Variants in LARGE1 observed in about 807,000 individuals in gnomAD.
The protein encoded by LARGE1 is LARGE xylosyl- and glucuronyltransferase 1.
In LARGE1, 43 loss-of-function variants were observed where a neutral mutation model predicts 87.6. The observed-to-expected ratio is 0.49, with a 90% CI of 0.38 to 0.63. The LOEUF (loss-of-function observed/expected upper bound fraction) is 0.63. Among genes scored for constraint, LARGE1 ranks in the 30% least tolerant of loss-of-function variants. The pLI is 0.00. For synonymous variants in LARGE1, 434 were observed against 394.6 expected (o/e 1.10, Z -1.18); for missense variants, 802 against 1,000.2 (o/e 0.80, Z 2.67).
chr22:33,856,822 C>T (rs997885612), intron 1 of LARGE1: 2 of 152,162 alleles, frequency 1.3e-5, no homozygotes, highest in Non-Finnish European at 2.9e-5. Context: ...AGACAAGGCC[C>T]CTTTAAGGTT....
In LARGE1 at chr22:33,382,118, T is replaced by C; in HGVS notation, c.1006-74A>G. 7.5e-6 allele frequency: 12 copies of C among 1,593,592 alleles called. 1 individual carries two copies. On this transcript the variant is annotated intron_variant, in intron 8 of 14. Transcript: ENST00000397394. ...CTGCCCATTTTGGCTCTCAAGGCAC[T>C]GCATCCCCTGTGATAGGGCTTCTCT...
At chr22:33,366,798 C>A (rs1283604933) in intron 9 of LARGE1, among the ~76,000 whole-genome samples, 2 of 151,912 alleles carry the variant, frequency 1.3e-5, no homozygotes, top group Non-Finnish European at 2.9e-5. Context: ...AGCATGAGAA[C>A]AGACTAATGC....
chr22:33,715,806 C>G (rs1015273237), intron 2 of LARGE1, among the ~76,000 whole-genome samples: 1 of 152,224 alleles, frequency 6.6e-6, no homozygotes, highest in African/African-American at 2.4e-5. Context: ...CTAAAGTTGT[C>G]ACGCTCACAG....
chr22:33,845,900 A>G (rs896028602), intron 1 of LARGE1, among the ~76,000 whole-genome samples: 1 of 152,168 alleles, frequency 6.6e-6, no homozygotes, highest in Non-Finnish European at 1.5e-5. Context: ...TTATTTTTAA[A>G]TCTCAATTTC....
intron 12 of LARGE1, among the ~76,000 whole-genome samples, chr22:33,285,776 C>T (rs1349938770): frequency 6.6e-6 from 1 of 152,116 alleles, no homozygotes; most frequent in African/African-American, 2.4e-5. Context: ...ACTAAGTTAG[C>T]CCAGGCCTGA....
chr22:33,222,950 A>C (rs1925530888), intron 11 of LARGE1, among the ~76,000 whole-genome samples: 1 of 152,150 alleles, frequency 6.6e-6, no homozygotes, highest in African/African-American at 2.4e-5. Context: ...AGTCTCCCCT[A>C]AATGGGGTCT....
At chr22:33,232,050 C>A (rs1255414512) in intron 11 of LARGE1, among the ~76,000 whole-genome samples, 2 of 152,202 alleles carry the variant, frequency 1.3e-5, no homozygotes, top group Non-Finnish European at 2.9e-5. Context: ...CCATTCACAG[C>A]CAGTTAGCAG....
intron 9 of LARGE1, among the ~76,000 whole-genome samples, chr22:33,369,405 A>G (rs1369854744): frequency 6.6e-6 from 1 of 152,180 alleles, no homozygotes; most frequent in African/African-American, 2.4e-5. Context: ...TTGGATCAAC[A>G]GCCACAACAC....
chr22:33,572,828 C>T (rs528542478), intron 5 of LARGE1, among the ~76,000 whole-genome samples: 1 of 152,098 alleles, frequency 6.6e-6, no homozygotes, highest in Non-Finnish European at 1.5e-5. Context: ...CAAGATCGTG[C>T]CACTACACTC....
chr22:33,294,322 G>A (rs1932947402), intron 12 of LARGE1, among the ~76,000 whole-genome samples: 1 of 152,238 alleles, frequency 6.6e-6, no homozygotes, highest in South Asian at 2.1e-4. Context: ...AGCTCTCGGA[G>A]CCCTGGGTTT....
At chr22:33,142,731 T>A in the LARGE1 span, among the ~76,000 whole-genome samples, 1 of 152,190 alleles carries the variant, frequency 6.6e-6, no homozygotes, top group Non-Finnish European at 1.5e-5. Context: ...TTGCCCAGTT[T>A]TATTATTGAC....
chr22:33,193,909 TTA>T (rs1228103663), intron 11 of LARGE1, among the ~76,000 whole-genome samples: 10 of 145,844 alleles, frequency 6.9e-5, no homozygotes, highest in East Asian at 2.0e-4. Context: ...GTTTTATATA[TTA>T]TATATGTTAT....
At position 33,650,397 on chromosome 22, in the gene LARGE1, A is replaced by G; in HGVS notation, c.378T>C (p.Cys126=). ...ATTTCTCCACGACCGGCTGCTGCCC[A>G]CACTCGGAGCTGTTGCCTGCCACGA... is the stretch of plus-strand genomic sequence containing the variant. The part of the protein sequence containing the change: ...AGIVAGNSSE[C]GQQPVVEKCE... The change falls in exon 3 of 15, where the codon TGT becomes TGC. Residue 126 remains cysteine (C), a synonymous_variant. Coordinates refer to ENST00000397394, the MANE Select transcript of LARGE1 (RefSeq NM_133642.5). 1 of 1,614,044 alleles carries G rather than the reference A, an allele frequency of 6.2e-7. No homozygotes were observed. Among genetic ancestry groups the G allele is most frequent in the Non-Finnish European group, 8.5e-7 (1 of 1,180,036 alleles).
intron 4 of LARGE1, among the ~76,000 whole-genome samples, chr22:33,614,071 A>C (rs1247656213): frequency 6.6e-6 from 1 of 151,956 alleles, no homozygotes; most frequent in Non-Finnish European, 1.5e-5. Context: ...TCTTGAAAGC[A>C]AAACTGCCTG....
At chr22:33,692,604 C>T (rs1458826250) in intron 2 of LARGE1, among the ~76,000 whole-genome samples, 1 of 152,232 alleles carries the variant, frequency 6.6e-6, no homozygotes, top group East Asian at 1.9e-4. Flanking sequence ...AGCCACCGCG[C>T]CCGGCCAATG....
At chr22:33,850,170 G>A (rs2063547235) in intron 1 of LARGE1, among the ~76,000 whole-genome samples, 1 of 152,156 alleles carries the variant, frequency 6.6e-6, no homozygotes, top group Non-Finnish European at 1.5e-5. Flanking sequence ...TTCACTCTCT[G>A]GACTGAGGAT....
chr22:33,816,665 C>CAGAT (rs57520379), intron 1 of LARGE1, among the ~76,000 whole-genome samples: 29,996 of 125,862 alleles, frequency 0.24, 3,562 homozygotes, highest in Admixed American at 0.38. Context: ...GACGGATGCA[C>CAGAT]GGATGGATGG....
chr22:33,425,891 C>A (rs191000251), intron 7 of LARGE1, among the ~76,000 whole-genome samples: 1 of 152,142 alleles, frequency 6.6e-6, no homozygotes, highest in Non-Finnish European at 1.5e-5. Context: ...CACGTGCCAC[C>A]ATGACCGGCT....
chr22:33,561,440 GGGACCCC>G (rs1287974047), intron 6 of LARGE1, among the ~76,000 whole-genome samples: 2 of 152,152 alleles, frequency 1.3e-5, no homozygotes, highest in Admixed American at 6.5e-5. Context: ...TCCCATGTGA[GGGACCCC>G]TGCCAGGTAT....
Sources: gnomAD v4.1 joint callset for allele counts (sites outside exome capture counted in the v4.1 genomes callset) on GRCh38, gnomAD v4.1.1 for gene constraint, MANE v1.5 for transcripts, NCBI Gene and HGNC (gene_info 2026-07-23, HGNC 2026-07-21) for gene names.